RAB3GAP2: variants seen among roughly 807,000 people sequenced by gnomAD.
RAB3GAP2 encodes the protein rab3 GTPase-activating protein non-catalytic subunit.
RAB3GAP2 carries 87 observed loss-of-function variants against 185.3 expected under a neutral mutation model. The ratio of observed to expected loss-of-function variants is 0.47; its 90% CI spans 0.39 to 0.56. RAB3GAP2 has a LOEUF of 0.56. Among genes scored for constraint, RAB3GAP2 ranks in the 20% least tolerant of loss-of-function variants. The pLI is 0.00. For synonymous variants in RAB3GAP2, 554 were observed against 576.1 expected (o/e 0.96, Z 0.55); for missense variants, 1,492 against 1,638.2 (o/e 0.91, Z 1.54).
At chr1:220,227,596 T>C (rs967963219) in intron 2 of RAB3GAP2, among the ~76,000 whole-genome samples, 5 of 152,068 alleles carry the variant, frequency 3.3e-5, no homozygotes, top group African/African-American at 1.2e-4. Context: ...CTTCCCCTCC[T>C]GTGGCTTATC....
In RAB3GAP2 at chr1:220,151,018, T is replaced by A. The variant is rs1657742090; in HGVS notation, c.*233A>T. On this transcript the variant is annotated 3_prime_UTR_variant, in exon 35 of 35. Coordinates refer to ENST00000358951, the MANE Select transcript of RAB3GAP2 (RefSeq NM_012414.4). Reference sequence around the variant, plus strand: ...TTAGAAATAAACAGTAAAACATCTGTATTAATTATAACAGAGTTGACATTT... The same window carrying A: ...TTAGAAATAAACAGTAAAACATCTGAATTAATTATAACAGAGTTGACATTT... 1.0e-5 allele frequency: 5 copies of A among 491,802 alleles called. No homozygotes were observed. The East Asian group carries it at 1.7e-4, about 17-fold the overall frequency. 30.5% of individuals were successfully genotyped at this position (491,802 alleles called of 1,614,324 possible). A position where few individuals can be genotyped will look rare whatever the true frequency, so the allele number is the denominator to read the frequency against.
intron 6 of RAB3GAP2, 152 bp downstream of exon 6, chr1:220,210,649 C>G: frequency 2.0e-6 from 2 of 1,004,074 alleles, no homozygotes. Context: ...TCTACCAGAA[C>G]TTGCCACGGC....
intron 2 of RAB3GAP2, among the ~76,000 whole-genome samples, chr1:220,217,131 G>T (rs371559060): frequency 6.6e-6 from 1 of 151,864 alleles, no homozygotes; most frequent in Non-Finnish European, 1.5e-5. Context: ...TAAAATCTAG[G>T]CTTCCTAATT....
Position 220,163,744 on chromosome 1 carries a change from CATATATATATATAT to C in RAB3GAP2, c.3154+975_3154+988del, listed in dbSNP as rs373160821. On this transcript the variant is annotated intron_variant, in intron 27 of 34. Coordinates refer to ENST00000358951, the MANE Select transcript of RAB3GAP2 (RefSeq NM_012414.4). ...GTCAAGGTAAATATATAAATACATACATATATATATATATATATATATATATATAGGATGAAGGT... is the reference window on the plus strand; with the variant it reads ...GTCAAGGTAAATATATAAATACATACATATATATATATATAGGATGAAGGT... Among the ~76,000 whole-genome samples the C allele has an allele frequency of 9.8e-5, 12 of 122,990 alleles. No homozygotes were observed. In the South Asian group the frequency reaches 3.0e-3, roughly 31 times the overall value. The allele number at this position is 122,990 out of a possible 152,430, so 80.7% of individuals were successfully genotyped here.
intron 4 of RAB3GAP2, chr1:220,211,209 G>C: frequency 2.9e-6 from 2 of 685,936 alleles, no homozygotes; most frequent in Non-Finnish European, 5.3e-6. Flanking sequence ...ACATGCATTT[G>C]AGGTTAATAA....
chr1:220,267,605 C>T (rs1456166465), intron 1 of RAB3GAP2: 16 of 1,373,378 alleles, frequency 1.2e-5, no homozygotes, highest in Admixed American at 3.4e-5. Flanking sequence ...TTTCAGGTGC[C>T]GACAGCGGGG....
chr1:220,251,102 A>C (rs918653097), intron 1 of RAB3GAP2, among the ~76,000 whole-genome samples: 1 of 152,232 alleles, frequency 6.6e-6, no homozygotes, highest in African/African-American at 2.4e-5. Context: ...ATTTCTGACT[A>C]GTTAACATGG....
In RAB3GAP2 at chr1:220,172,850, G is replaced by T; in HGVS notation, c.2311-108C>A. 3 of 736,252 alleles carry T rather than the reference G, an allele frequency of 4.1e-6. No homozygotes were observed. In the South Asian group the frequency reaches 4.7e-5, roughly 12 times the overall value. 45.6% of individuals were successfully genotyped at this position (736,252 alleles called of 1,614,324 possible). ...ATGCATATGGATGATGCAGCTTCTTGAGGTGAAAAAATTAGTGGTTGCTTG... is the reference window on the plus strand; with the variant it reads ...ATGCATATGGATGATGCAGCTTCTTTAGGTGAAAAAATTAGTGGTTGCTTG... On this transcript the variant is annotated intron_variant, in intron 21 of 34. Transcript: ENST00000358951.
chr1:220,188,400 G>A (rs1038216048), intron 17 of RAB3GAP2, among the ~76,000 whole-genome samples: 2 of 152,118 alleles, frequency 1.3e-5, no homozygotes, highest in African/African-American at 2.4e-5. Context: ...TTATCCATGG[G>A]GATCGAAGCA....
chr1:220,238,357 G>A (rs1478166266), intron 1 of RAB3GAP2, among the ~76,000 whole-genome samples: 1 of 152,184 alleles, frequency 6.6e-6, no homozygotes, highest in African/African-American at 2.4e-5. Flanking sequence ...GTATAAGACA[G>A]CTCAAGTCTA....
At chr1:220,224,341 C>T (rs1659365232) in intron 2 of RAB3GAP2, among the ~76,000 whole-genome samples, 1 of 151,950 alleles carries the variant, frequency 6.6e-6, no homozygotes. Context: ...CATAAAGGTA[C>T]TTATTGCAGC....
Position 220,150,929 on chromosome 1 carries a change from TAATC to T in RAB3GAP2, c.*318_*321del, listed in dbSNP as rs541429106. The stretch of plus-strand genomic sequence containing the variant: ...GGAAATATAGAATCTTATAAGAACA[TAATC>T]TAAATTATAACCAATTTTAAATAGC... On this transcript the variant is annotated 3_prime_UTR_variant, in exon 35 of 35. Transcript: ENST00000358951. The T allele has an allele frequency of 3.3e-6, 1 of 306,972 alleles. No homozygotes were observed. Among genetic ancestry groups the T allele is most frequent in the Non-Finnish European group, 6.1e-6 (1 of 165,066 alleles). 19.0% of individuals were successfully genotyped at this position (306,972 alleles called of 1,614,324 possible). A position where few individuals can be genotyped will look rare whatever the true frequency, so the allele number is the denominator to read the frequency against.
chr1:220,209,501 A>T (rs1032624740), intron 7 of RAB3GAP2, among the ~76,000 whole-genome samples: 1 of 152,094 alleles, frequency 6.6e-6, no homozygotes, highest in South Asian at 2.1e-4. Context: ...TCCAAATTGA[A>T]CTCCTCTTTC....
At chr1:220,256,235 T>G (rs1244293589) in intron 1 of RAB3GAP2, among the ~76,000 whole-genome samples, 1 of 152,176 alleles carries the variant, frequency 6.6e-6, no homozygotes, top group Non-Finnish European at 1.5e-5. Flanking sequence ...CAGGCCTGCC[T>G]TGCAAGAGCT....
chr1:220,219,180 T>C (rs77268173), intron 2 of RAB3GAP2, among the ~76,000 whole-genome samples: 764 of 152,336 alleles, frequency 5.0e-3, no homozygotes, highest in South Asian at 9.3e-3. Flanking sequence ...ACTGTAGTAC[T>C]AAGTGCAAGA....
rs745890466 is a variant in RAB3GAP2, at chr1:220,190,534, A to G, written c.1488-14T>C. 1 of 1,578,712 alleles carries G rather than the reference A, an allele frequency of 6.3e-7. No homozygotes were observed. Among genetic ancestry groups the G allele is most frequent in the Admixed American group, 1.7e-5 (1 of 59,948 alleles). ...GGATACAGCAGCCTAAAGAAATCAC[A>G]TACCAATATGGTAAAAATATTAGAA... is the stretch of plus-strand genomic sequence containing the variant. On this transcript the variant is annotated splice_polypyrimidine_tract_variant and intron_variant, in intron 14 of 34. Transcript: ENST00000358951.
chr1:220,160,871 A>G lies in RAB3GAP2; in HGVS notation c.3225+1327T>C, dbSNP rs143346134. Among the ~76,000 whole-genome samples the G allele has an allele frequency of 2.0e-3, 309 of 152,318 alleles. 3 individuals carry two copies. The highest frequency in any genetic ancestry group is 4.9e-4 in the Non-Finnish European group (33 of 68,030). On this transcript the variant is annotated intron_variant, in intron 28 of 34. Transcript: ENST00000358951. The stretch of plus-strand genomic sequence containing the variant: ...TGTGAGCTCTTTGAGGGCCAGGACC[A>G]TAACTTCCATTGGTTCAACCACAGA...
At chr1:220,210,318 T>TA in intron 7 of RAB3GAP2, 70 bp downstream of exon 7, 1 of 1,141,538 alleles carries the variant, frequency 8.8e-7, no homozygotes, top group Non-Finnish European at 1.3e-6. Flanking sequence ...AGTTTCTACC[T>TA]AAAAAAGAGG....
At position 220,191,154 on chromosome 1, in the gene RAB3GAP2, G is replaced by T. The variant is rs777959245; in HGVS notation, c.1401C>A (p.Ile467=). Residue 467 remains isoleucine (I), a synonymous_variant, in exon 14 of 35, where the codon ATC becomes ATA. Coordinates refer to ENST00000358951, the MANE Select transcript of RAB3GAP2 (RefSeq NM_012414.4). ...GPSRVAQFLV[I]YAPRRGILEV... ...CTAAAATTCCCCTTCTTGGCGCATA[G>T]ATCACAAGGAATTGAGCTACTCGAC... 158 of 1,613,922 alleles carry T rather than the reference G, an allele frequency of 9.8e-5. No homozygotes were observed. The highest frequency in any genetic ancestry group is 1.4e-5 in the Non-Finnish European group (17 of 1,179,970).
Sources: allele counts gnomAD v4.1 joint callset (sites outside exome capture counted in the v4.1 genomes callset), GRCh38; gene constraint gnomAD v4.1.1; transcripts MANE v1.5; gene names NCBI Gene and HGNC (gene_info 2026-07-23, HGNC 2026-07-21).